Variants in SNX2 observed in about 807,000 individuals in gnomAD.
SNX2 encodes sorting nexin-2.
Under a neutral mutation model 69.9 loss-of-function variants are expected in SNX2, and 25 were observed. That is an observed-to-expected ratio of 0.36 (90% CI 0.26 to 0.50). The LOEUF is 0.50. Among genes scored for constraint, SNX2 ranks in the 20% least tolerant of loss-of-function variants. SNX2 has a pLI of 0.97. For missense variants in SNX2, 551 were observed against 613.3 expected (o/e 0.90, Z 1.07); for synonymous variants, 229 against 200.4 (o/e 1.14, Z -1.20).
chr5:122,814,053 C>T (rs1158629630), intron 7 of SNX2, among the ~76,000 whole-genome samples: 2 of 152,158 alleles, frequency 1.3e-5, no homozygotes, highest in African/African-American at 4.8e-5. Context: ...TGAGCCACCT[C>T]ACCCTGCCAG....
At chr5:122,794,252 A>C (rs1205453474) in intron 1 of SNX2, among the ~76,000 whole-genome samples, 1 of 152,180 alleles carries the variant, frequency 6.6e-6, no homozygotes, top group East Asian at 1.9e-4. Flanking sequence ...TGGAGGTTGC[A>C]GTGAGCCAAG....
chr5:122,793,100 G>T (rs1753282343), intron 1 of SNX2, among the ~76,000 whole-genome samples: 1 of 152,120 alleles, frequency 6.6e-6, no homozygotes, highest in Non-Finnish European at 1.5e-5. Flanking sequence ...TCTACCCTGT[G>T]AGCCAGCTAT....
chr5:122,804,332 C>T (rs11956012), intron 6 of SNX2, among the ~76,000 whole-genome samples: 60,150 of 150,946 alleles, frequency 0.4, 12,533 homozygotes, highest in African/African-American at 0.49. Context: ...TAGTTCATTT[C>T]GTACCTCAAT....
intron 3 of SNX2, among the ~76,000 whole-genome samples, chr5:122,801,040 TATTAGATA>T (rs1244926390): frequency 6.6e-6 from 1 of 152,176 alleles, no homozygotes; most frequent in African/African-American, 2.4e-5. Context: ...AGAACGTGTT[TATTAGATA>T]ATTAGAGAAA....
intron 1 of SNX2, among the ~76,000 whole-genome samples, chr5:122,783,712 T>C (rs1753024388): frequency 6.6e-6 from 1 of 152,180 alleles, no homozygotes; most frequent in Non-Finnish European, 1.5e-5. Flanking sequence ...GAATGACTCC[T>C]CTAACTTTGT....
chr5:122,804,831 C>G (rs1282602260), intron 6 of SNX2, among the ~76,000 whole-genome samples: 1 of 152,088 alleles, frequency 6.6e-6, no homozygotes, highest in African/African-American at 2.4e-5. Context: ...TTACCTTTTT[C>G]TTTTTTTTCC....
chr5:122,819,013 C>T lies in SNX2; in HGVS notation c.1202C>T (p.Ala401Val). 6.2e-7 allele frequency: 1 copy of T among 1,613,020 alleles called. No homozygotes were observed. Among genetic ancestry groups the T allele is most frequent in the Non-Finnish European group, 8.5e-7 (1 of 1,179,170 alleles). Residue 401 changes from alanine to valine, a missense_variant, in exon 11 of 15, where the codon GCT (alanine) becomes GTT (valine). Around this residue, in one of 2 missense-constraint regions of SNX2, gnomAD observed 360 missense variants for 450.4 expected, o/e 0.80. Coordinates refer to ENST00000379516, the MANE Select transcript of SNX2 (RefSeq NM_003100.4). ...CTTAGTGACTACATTCGTCTTATTGCTGCAGTGAAAGTAAGCCCTTTCTTG... is the reference window on the plus strand; with the variant it reads ...CTTAGTGACTACATTCGTCTTATTGTTGCAGTGAAAGTAAGCCCTTTCTTG... ...ELLSDYIRLI[A>V]AVKGVFDHRM... is the part of the protein sequence containing the mutation.
intron 1 of SNX2, among the ~76,000 whole-genome samples, chr5:122,782,888 A>AT (rs906116383): frequency 4.0e-5 from 6 of 151,444 alleles, no homozygotes; most frequent in African/African-American, 1.5e-4. Flanking sequence ...TGTTGTGAAT[A>AT]TTTTTTTTCC....
chr5:122,818,879 T>G lies in SNX2; in HGVS notation c.1068T>G (p.Asp356Glu). 1 of 1,614,020 alleles carries G rather than the reference T, an allele frequency of 6.2e-7. No individual in the cohort carries two copies. The highest frequency in any genetic ancestry group is 8.5e-7 in the Non-Finnish European group (1 of 1,179,924). The change falls in exon 11 of 15, where the codon GAT (aspartate) becomes GAG (glutamate). Residue 356 changes from aspartate (D) to glutamate (E), a missense_variant. Transcript: ENST00000379516. ...KSAAMLGNSE[D>E]HTALSRALSQ... is the part of the protein sequence containing the mutation. ...CTGCCATGTTAGGTAATTCTGAGGA[T>G]CATACTGCTTTATCTAGAGCTTTGT...
intron 1 of SNX2, among the ~76,000 whole-genome samples, chr5:122,782,050 C>T (rs576961121): frequency 1.3e-5 from 2 of 152,142 alleles, no homozygotes; most frequent in Non-Finnish European, 2.9e-5. Context: ...TTCTCCTCTG[C>T]AGATCTGATT....
chr5:122,810,369 C>T (rs970125215), intron 7 of SNX2, among the ~76,000 whole-genome samples: 3 of 143,150 alleles, frequency 2.1e-5, no homozygotes, highest in Non-Finnish European at 4.5e-5. Context: ...CCAAATCCCC[C>T]TCTGCGAGAA....
In SNX2 at chr5:122,829,686, G is replaced by T; in HGVS notation, c.*38G>T. The T allele has an allele frequency of 1.3e-6, 2 of 1,561,782 alleles. No homozygotes were observed. Among genetic ancestry groups the T allele is most frequent in the Non-Finnish European group, 1.8e-6 (2 of 1,132,958 alleles). On this transcript the variant is annotated 3_prime_UTR_variant, in exon 15 of 15. Transcript: ENST00000379516. ...TGCCGTTAAGAAGACCTTGGATGTT[G>T]TTCCAGTTATGCTGGATTCCACAGT...
rs566347069 is a variant in SNX2 at position 122,775,583 on chromosome 5, G to A, written c.108+372G>A. ...TAAACCTCCACCGAGCTCTTTTGAA[G>A]GGGTGCTCGCTTTTCCTTTCCAGAG... On this transcript the variant is annotated intron_variant, in intron 1 of 14. Transcript: ENST00000379516. 61 of 996,282 alleles carry A rather than the reference G, an allele frequency of 6.1e-5. No homozygotes were observed. In the Middle Eastern group the frequency reaches 2.5e-3, roughly 41 times the overall value. 61.7% of individuals were successfully genotyped at this position (996,282 alleles called of 1,614,324 possible). A position where few individuals can be genotyped will look rare whatever the true frequency, so the allele number is the denominator to read the frequency against.
chr5:122,789,964 G>C (rs369293606), intron 1 of SNX2, among the ~76,000 whole-genome samples: 2 of 152,164 alleles, frequency 1.3e-5, no homozygotes, highest in Non-Finnish European at 2.9e-5. Flanking sequence ...GCTGTGTAAC[G>C]CATTAGCAAC....
Position 122,827,568 on chromosome 5 carries a change from TC to T in SNX2, c.1438-6del, listed in dbSNP as rs763775009. ...ACTAACGGACTTTTTAAAATGTACT[TC>T]AACAGAAAGAACGAGTGAAGGATTT... On this transcript the variant is annotated splice_region_variant and splice_polypyrimidine_tract_variant and intron_variant, in intron 13 of 14. Coordinates refer to ENST00000379516, the MANE Select transcript of SNX2 (RefSeq NM_003100.4). The T allele has an allele frequency of 7.8e-5, 126 of 1,612,128 alleles. No homozygotes were observed. The highest frequency in any genetic ancestry group is 9.5e-5 in the Non-Finnish European group (112 of 1,178,596).
At chr5:122,785,502 TC>T (rs111456108) in intron 1 of SNX2, among the ~76,000 whole-genome samples, 60,900 of 151,530 alleles carry the variant, frequency 0.4, 12,804 homozygotes, top group African/African-American at 0.49. Flanking sequence ...TTGAGACTTT[TC>T]TCCCTACTCT....
intron 6 of SNX2, among the ~76,000 whole-genome samples, chr5:122,806,150 A>ATG (rs370082578): frequency 2.5e-5 from 2 of 78,690 alleles, no homozygotes; most frequent in African/African-American, 9.6e-5. Context: ...GCGCACACAC[A>ATG]CACACACACA....
At position 122,799,702 on chromosome 5, in the gene SNX2, A is replaced by G. The variant is rs908962355; in HGVS notation, c.237A>G (p.Glu79=). The change falls in exon 3 of 15, where the codon GAA becomes GAG. Residue 79 remains glutamate, a synonymous_variant. Transcript: ENST00000379516. ...TTAATCTATGTCTAGAAGCCACAGA[A>G]GAAGTTTCTTTGGACAGCCCTGAAA... is the stretch of plus-strand genomic sequence containing the variant. ...DREDLFAEAT[E]EVSLDSPERE... 2 of 1,612,082 alleles carry G rather than the reference A, an allele frequency of 1.2e-6. No individual in the cohort carries two copies. The highest frequency in any genetic ancestry group is 3.3e-5 in the Admixed American group (2 of 59,800).
At position 122,817,345 on chromosome 5, in the gene SNX2, T is replaced by C. The variant is rs747090144; in HGVS notation, c.978T>C (p.Ser326=). ...LDQQLRKLHV[S]VEALVCHRKE... is the part of the protein sequence containing the mutation. Reference sequence around the variant, plus strand: ...AGCAACTTAGGAAACTTCATGTCAGTGTTGAAGCCTTGGTCTGTCATAGAA... The same window carrying C: ...AGCAACTTAGGAAACTTCATGTCAGCGTTGAAGCCTTGGTCTGTCATAGAA... Residue 326 remains serine (S), a synonymous_variant, in exon 10 of 15, where the codon AGT becomes AGC. Coordinates refer to ENST00000379516, the MANE Select transcript of SNX2 (RefSeq NM_003100.4). 3 of 1,613,956 alleles carry C rather than the reference T, an allele frequency of 1.9e-6. No individual in the cohort carries two copies. Among genetic ancestry groups the C allele is most frequent in the Non-Finnish European group, 2.5e-6 (3 of 1,179,892 alleles).
Sources: gnomAD v4.1 joint callset for allele counts (sites outside exome capture counted in the v4.1 genomes callset) on GRCh38, gnomAD v4.1.1 for gene constraint, gnomAD v4.1.1 regional missense constraint, MANE v1.5 for transcripts, NCBI Gene and HGNC (gene_info 2026-07-23, HGNC 2026-07-21) for gene names.